The following VCAN variants were observed in gnomAD, a reference collection of about 807,000 sequenced individuals.
VCAN encodes versican core protein.
Under a neutral mutation model 245.5 loss-of-function variants are expected in VCAN, and 44 were observed. The ratio of observed to expected loss-of-function variants is 0.18; its 90% CI spans 0.14 to 0.23. VCAN has a LOEUF of 0.23. Ranked by LOEUF, VCAN falls within the 10% of genes least tolerant of loss-of-function variation. The probability of loss-of-function intolerance (pLI) is 1.00; values close to 1 mark genes in which losing one functional copy is unlikely to be tolerated. For missense variants in VCAN, 3,793 were observed against 4,057.9 expected (o/e 0.93, Z 1.77); for synonymous variants, 1,413 against 1,437.0 (o/e 0.98, Z 0.38).
intron 5 of VCAN, among the ~76,000 whole-genome samples, chr5:83,506,406 G>GGCAGGGGCAAAATGCCA (rs1212761935): frequency 2.0e-5 from 3 of 152,080 alleles, no homozygotes; most frequent in Admixed American, 2.0e-4. Flanking sequence ...AAATCTCTAG[G>GGCAGGGGCAAAATGCCA]GCAGGGGCAA....
chr5:83,536,203 TG>T (rs2112437531), intron 7 of VCAN: 1 of 152,320 alleles, frequency 6.6e-6, no homozygotes, highest in African/African-American at 2.4e-5. Flanking sequence ...AAGATGTTGA[TG>T]ACAAGAACTA....
At chr5:83,484,255 G>A (rs1744715493) in intron 2 of VCAN, among the ~76,000 whole-genome samples, 2 of 152,052 alleles carry the variant, frequency 1.3e-5, no homozygotes, top group Non-Finnish European at 2.9e-5. Flanking sequence ...CACCTTTTAT[G>A]ATTTTCCAGA....
At chr5:83,500,231 A>T (rs1395561049) in intron 5 of VCAN, among the ~76,000 whole-genome samples, 1 of 152,186 alleles carries the variant, frequency 6.6e-6, no homozygotes, top group East Asian at 1.9e-4. Flanking sequence ...TAAAGTAGTG[A>T]TTCTTGATTT....
At chr5:83,479,444 A>C (rs1744537058) in intron 1 of VCAN, among the ~76,000 whole-genome samples, 1 of 152,142 alleles carries the variant, frequency 6.6e-6, no homozygotes, top group East Asian at 1.9e-4. Context: ...TCTCCCAGGC[A>C]ATTAAACAGT....
chr5:83,507,463 T>A (rs1187472123), intron 5 of VCAN, among the ~76,000 whole-genome samples: 1 of 152,210 alleles, frequency 6.6e-6, no homozygotes, highest in Non-Finnish European at 1.5e-5. Flanking sequence ...ATTATTCACA[T>A]CAGAGATAAA....
chr5:83,574,356 C>T (rs944968716), intron 13 of VCAN, among the ~76,000 whole-genome samples: 2 of 152,136 alleles, frequency 1.3e-5, no homozygotes, highest in African/African-American at 4.8e-5. Context: ...CAGGTCTACC[C>T]CTTGCAACTT....
At chr5:83,565,919 C>A (rs1748063121) in intron 12 of VCAN, among the ~76,000 whole-genome samples, 1 of 151,760 alleles carries the variant, frequency 6.6e-6, no homozygotes, top group African/African-American at 2.4e-5. Context: ...AAAAAAACCT[C>A]CTGGTTTATT....
intron 5 of VCAN, among the ~76,000 whole-genome samples, chr5:83,498,294 C>T (rs1745222041): frequency 6.6e-6 from 1 of 152,164 alleles, no homozygotes; most frequent in South Asian, 2.1e-4. Flanking sequence ...TTTGCTTATA[C>T]TTCTTTCTCT....
At chr5:83,481,879 G>A (rs965797667) in intron 1 of VCAN, among the ~76,000 whole-genome samples, 1 of 152,120 alleles carries the variant, frequency 6.6e-6, no homozygotes, top group Non-Finnish European at 1.5e-5. Context: ...CCCTATTTAT[G>A]TTCAAGATCA....
intron 10 of VCAN, among the ~76,000 whole-genome samples, chr5:83,550,443 T>TA (rs574812552): frequency 1.7e-4 from 26 of 152,312 alleles, no homozygotes; most frequent in African/African-American, 6.0e-4. Context: ...TGCCTTTTAA[T>TA]AAATAAAAAG....
intron 1 of VCAN, among the ~76,000 whole-genome samples, chr5:83,474,739 A>G (rs11746859): frequency 0.39 from 59,243 of 152,162 alleles, 11,904 homozygotes; most frequent in Middle Eastern, 0.46. Context: ...GCCCAGCTTA[A>G]CCGAGAGAGC....
intron 1 of VCAN, among the ~76,000 whole-genome samples, chr5:83,478,322 T>C (rs1424576146): frequency 1.3e-5 from 2 of 152,226 alleles, no homozygotes; most frequent in African/African-American, 4.8e-5. Context: ...TATACTGTTG[T>C]ATGAAAGTAA....
intron 5 of VCAN, among the ~76,000 whole-genome samples, chr5:83,498,452 T>A (rs2652107): frequency 0.11 from 16,788 of 152,174 alleles, 1,585 homozygotes; most frequent in East Asian, 0.39. Context: ...CATTAATGCC[T>A]CCCTACTCAC....
chr5:83,540,396 C>G lies in VCAN; in HGVS notation c.7393C>G (p.Leu2465Val), dbSNP rs1237064955. 6 of 1,613,980 alleles carry G rather than the reference C, an allele frequency of 3.7e-6. No individual in the cohort carries two copies. The highest frequency in any genetic ancestry group is 3.4e-6 in the Non-Finnish European group (4 of 1,179,950). The change falls in exon 8 of 15, where the codon CTG becomes GTG. Residue 2465 changes from leucine to valine, a missense_variant. By Grantham distance (32) the Leu-to-Val change is conservative (BLOSUM62 1). Transcript: ENST00000265077. Reference protein sequence around the residue: ...SSTTFVSDGSLEKHPEVPSAK... With the variant: ...SSTTFVSDGSVEKHPEVPSAK... Reference sequence around the variant, plus strand: ...CACCACATTTGTTTCTGATGGGTCCCTGGAAAAACATCCTGAGGTGCCAAG... The same window carrying G: ...CACCACATTTGTTTCTGATGGGTCCGTGGAAAAACATCCTGAGGTGCCAAG...
At chr5:83,505,071 A>G (rs1027666136) in intron 5 of VCAN, among the ~76,000 whole-genome samples, 2 of 152,150 alleles carry the variant, frequency 1.3e-5, no homozygotes, top group Admixed American at 6.5e-5. Flanking sequence ...CCCACAACAC[A>G]TGGGAATTCT....
intron 1 of VCAN, among the ~76,000 whole-genome samples, chr5:83,483,227 G>C (rs1230877738): frequency 1.3e-5 from 2 of 152,188 alleles, no homozygotes; most frequent in African/African-American, 4.8e-5. Flanking sequence ...ACTTGTGGTT[G>C]TCACACACAT....
At position 83,520,448 on chromosome 5, in the gene VCAN, A is replaced by G. The variant is rs1413856983; in HGVS notation, c.2142A>G (p.Gly714=). The G allele has an allele frequency of 6.2e-7, 1 of 1,613,834 alleles. No homozygotes were observed. The highest frequency in any genetic ancestry group is 1.3e-5 in the African/African-American group (1 of 74,928). Residue 714 remains glycine (G), a synonymous_variant, in exon 7 of 15, where the codon GGA becomes GGG. Coordinates refer to ENST00000265077, the MANE Select transcript of VCAN (RefSeq NM_004385.5). ...QEEITKSPFM[G]KTEEEVFSGM... ...AGATCACTAAAAGTCCATTTATGGG[A>G]AAAACAGAAGAAGAAGTCTTCTCTG...
chr5:83,533,901 A>G (rs1248546993), intron 7 of VCAN, among the ~76,000 whole-genome samples: 3 of 152,158 alleles, frequency 2.0e-5, no homozygotes, highest in Non-Finnish European at 4.4e-5. Context: ...ATCAGAAACT[A>G]TAAAGTGAAT....
chr5:83,536,332 A>C (rs1338375733), intron 7 of VCAN: 1 of 151,838 alleles, frequency 6.6e-6, no homozygotes, highest in Non-Finnish European at 1.5e-5. Context: ...AGAGCTTCCC[A>C]CTCTTGTGCA....
Sources: gnomAD v4.1 joint callset for allele counts (sites outside exome capture counted in the v4.1 genomes callset) on GRCh38, gnomAD v4.1.1 for gene constraint, MANE v1.5 for transcripts, NCBI Gene and HGNC (gene_info 2026-07-23, HGNC 2026-07-21) for gene names.